SUPT3H: variants seen among roughly 807,000 people sequenced by gnomAD.
The protein encoded by SUPT3H is transcription initiation protein SPT3 homolog.
SUPT3H carries 44 observed loss-of-function variants against 44.3 expected under a neutral mutation model. The ratio of observed to expected loss-of-function variants is 0.99; its 90% CI spans 0.78 to 1.28. The LOEUF (loss-of-function observed/expected upper bound fraction) is 1.28, where lower values mean the gene tolerates loss of function less well. SUPT3H is among the 50% of genes most tolerant of loss of function. SUPT3H has a pLI of 0.00. For synonymous variants in SUPT3H, 124 were observed against 125.6 expected, an observed-to-expected ratio of 0.99 and a Z score of 0.09; for missense variants, 380 against 387.1, an observed-to-expected ratio of 0.98 and a Z score of 0.15.
chr6:45,087,137 T>C (rs1295196896), intron 3 of SUPT3H, among the ~76,000 whole-genome samples: 2 of 151,980 alleles, frequency 1.3e-5, no homozygotes, highest in Non-Finnish European at 2.9e-5. Flanking sequence ...CTTTTAAGAA[T>C]ATATATTTTG....
intron 10 of SUPT3H, among the ~76,000 whole-genome samples, chr6:44,890,183 T>C (rs967765221): frequency 4.0e-5 from 6 of 149,762 alleles, no homozygotes; most frequent in African/African-American, 9.8e-5. Context: ...GGTTCAACCA[T>C]TGTGGAAGTC....
chr6:44,981,469 T>A (rs1779084872), intron 6 of SUPT3H, among the ~76,000 whole-genome samples: 1 of 152,234 alleles, frequency 6.6e-6, no homozygotes, highest in Non-Finnish European at 1.5e-5. Context: ...ACATTCTGTA[T>A]ATCAACAGTG....
At chr6:44,857,573 T>C (rs1473607669) in intron 10 of SUPT3H, among the ~76,000 whole-genome samples, 1 of 152,260 alleles carries the variant, frequency 6.6e-6, no homozygotes, top group African/African-American at 2.4e-5. Flanking sequence ...TCTACAATGA[T>C]TTTACTATTG....
At chr6:45,021,640 T>C (rs949914661) in intron 3 of SUPT3H, among the ~76,000 whole-genome samples, 1 of 152,008 alleles carries the variant, frequency 6.6e-6, no homozygotes, top group African/African-American at 2.4e-5. Flanking sequence ...AAGATAAACC[T>C]AACACATTTT....
At chr6:44,854,627 C>G (rs189956498) in intron 10 of SUPT3H, among the ~76,000 whole-genome samples, 14 of 152,294 alleles carry the variant, frequency 9.2e-5, no homozygotes, top group Non-Finnish European at 1.9e-4. Flanking sequence ...ACGCTTCTTG[C>G]AGATCCAGCT....
At chr6:44,870,974 C>A (rs1225063483) in intron 10 of SUPT3H, among the ~76,000 whole-genome samples, 2 of 151,448 alleles carry the variant, frequency 1.3e-5, no homozygotes, top group African/African-American at 4.8e-5. Flanking sequence ...AGACTATATC[C>A]CACACCTGGC....
At chr6:44,906,203 T>C (rs939568218) in intron 10 of SUPT3H, among the ~76,000 whole-genome samples, 6 of 152,136 alleles carry the variant, frequency 3.9e-5, no homozygotes, top group African/African-American at 9.7e-5. Context: ...TGAAGAAATA[T>C]AAAGCCATAA....
chr6:45,087,133 A>T (rs1037649282), intron 3 of SUPT3H, among the ~76,000 whole-genome samples: 1 of 151,976 alleles, frequency 6.6e-6, no homozygotes, highest in South Asian at 2.1e-4. Context: ...TTTACTTTTA[A>T]GAATATATAT....
chr6:44,958,828 A>C (rs1192251655), intron 7 of SUPT3H, among the ~76,000 whole-genome samples: 2 of 151,954 alleles, frequency 1.3e-5, no homozygotes, highest in Non-Finnish European at 2.9e-5. Context: ...CTGTAGGAAA[A>C]AATGACATTA....
At chr6:44,872,429 T>G (rs1488631645) in intron 10 of SUPT3H, among the ~76,000 whole-genome samples, 1 of 139,952 alleles carries the variant, frequency 7.1e-6, no homozygotes, top group Non-Finnish European at 1.6e-5. Context: ...AATAAAATAC[T>G]TTATAGACAA....
chr6:44,972,127 A>G (rs1777663767), intron 6 of SUPT3H, among the ~76,000 whole-genome samples: 1 of 152,166 alleles, frequency 6.6e-6, no homozygotes. Context: ...GTCCAAGTCC[A>G]AAGTCTCATC....
chr6:45,207,560 T>A (rs988043003), intron 2 of SUPT3H, among the ~76,000 whole-genome samples: 1 of 152,186 alleles, frequency 6.6e-6, no homozygotes, highest in African/African-American at 2.4e-5. Flanking sequence ...AGTCTGTATG[T>A]CATTTGTGGC....
intron 2 of SUPT3H, among the ~76,000 whole-genome samples, chr6:45,296,738 C>CAAAAAAAAAAAAAAAA (rs60921436): frequency 6.7e-5 from 2 of 29,702 alleles, no homozygotes; most frequent in Non-Finnish European, 1.3e-4. Flanking sequence ...GACTCTGTCT[C>CAAAAAAAAAAAAAAAA]AAAAAAAAAA....
At chr6:45,331,632 C>A (rs1200211755) in intron 2 of SUPT3H, among the ~76,000 whole-genome samples, 2 of 151,788 alleles carry the variant, frequency 1.3e-5, no homozygotes, top group Non-Finnish European at 2.9e-5. Flanking sequence ...TTTTACATTA[C>A]AAACTGTTAA....
At chr6:44,882,950 G>GA (rs1253794978) in intron 10 of SUPT3H, among the ~76,000 whole-genome samples, 2 of 152,184 alleles carry the variant, frequency 1.3e-5, no homozygotes, top group African/African-American at 4.8e-5. Context: ...GCAAAAGCTG[G>GA]AAGCATTCCT....
chr6:45,115,116 T>C (rs1583620933), intron 2 of SUPT3H, among the ~76,000 whole-genome samples: 1 of 152,156 alleles, frequency 6.6e-6, no homozygotes, highest in East Asian at 1.9e-4. Context: ...TAGAGGACTT[T>C]TCTCACCTAT....
chr6:45,364,015 T>C (rs982087531), intron 2 of SUPT3H, among the ~76,000 whole-genome samples: 1 of 151,836 alleles, frequency 6.6e-6, no homozygotes, highest in African/African-American at 2.4e-5. Context: ...CTTGGGAGGC[T>C]GAGGCAGGAA....
chr6:45,267,211 C>A (rs1343259735), intron 2 of SUPT3H, among the ~76,000 whole-genome samples: 1 of 152,058 alleles, frequency 6.6e-6, no homozygotes, highest in Non-Finnish European at 1.5e-5. Flanking sequence ...GCTGACCATG[C>A]CACACATATC....
At chr6:45,321,741 A>T in intron 2 of SUPT3H, 3 of 1,212,466 alleles carry the variant, frequency 2.5e-6, no homozygotes, top group Non-Finnish European at 3.6e-6. Context: ...TCTCTCTTCT[A>T]CCCATAAACT....
Sources: allele counts gnomAD v4.1 joint callset (sites outside exome capture counted in the v4.1 genomes callset), GRCh38; gene constraint gnomAD v4.1.1; transcripts MANE v1.5; gene names NCBI Gene and HGNC (gene_info 2026-07-23, HGNC 2026-07-21).